Variants in R3HCC1L observed in about 807,000 individuals in gnomAD.
R3HCC1L encodes coiled-coil domain-containing protein R3HCC1L.
In R3HCC1L, 51 loss-of-function variants were observed where a neutral mutation model predicts 59.9. The observed-to-expected ratio is 0.85, with a 90% CI of 0.68 to 1.07. The LOEUF is 1.07. Among genes scored for constraint, R3HCC1L ranks in the 50% least tolerant of loss-of-function variants. The probability of loss-of-function intolerance (pLI) is 0.00; values close to 1 mark genes in which losing one functional copy is unlikely to be tolerated. For missense variants in R3HCC1L, 965 were observed against 933.0 expected, an observed-to-expected ratio of 1.03 and a Z score of -0.45; for synonymous variants, 322 against 315.2, an observed-to-expected ratio of 1.02 and a Z score of -0.23.
intron 1 of R3HCC1L, among the ~76,000 whole-genome samples, chr10:98,136,890 G>T (rs1844644422): frequency 6.6e-6 from 1 of 152,214 alleles, no homozygotes; most frequent in African/African-American, 2.4e-5. Flanking sequence ...CATAAGGTCG[G>T]GTGTGGAATT....
intron 2 of R3HCC1L, among the ~76,000 whole-genome samples, chr10:98,156,352 A>G (rs1191417656): frequency 6.6e-6 from 1 of 152,160 alleles, no homozygotes; most frequent in Non-Finnish European, 1.5e-5. Context: ...GCCCTCTCAC[A>G]TAGCTTCAAT....
rs544326511 is a variant in R3HCC1L at position 98,167,668 on chromosome 10, C to G, written c.-15+4271C>G. On this transcript the variant is annotated intron_variant, in intron 4 of 9. Transcript: ENST00000298999. The stretch of plus-strand genomic sequence containing the variant: ...TTAGAAGATATGTGTTTTAGTCTTA[C>G]AGTAGTAGTTAGATGCAGGGACTTT... Among the ~76,000 whole-genome samples, 4 of 152,322 alleles carry G rather than the reference C, an allele frequency of 2.6e-5. No individual in the cohort carries two copies. The East Asian group carries it at 7.7e-4, about 29-fold the overall frequency.
Position 98,209,414 on chromosome 10 carries a change from A to C in R3HCC1L, c.1300A>C (p.Thr434Pro). 1.2e-6 allele frequency: 2 copies of C among 1,613,750 alleles called. No individual in the cohort carries two copies. The highest frequency in any genetic ancestry group is 1.7e-6 in the Non-Finnish European group (2 of 1,179,972). ...TCATGTAGCTAGAAGTGGGAATGAC[A>C]CTGAAGATTTCAGCAACCCTTCTGC... The part of the protein sequence containing the change: ...PLHVARSGND[T>P]EDFSNPSACS... Residue 434 changes from threonine to proline, a missense_variant, in exon 5 of 10, where the codon ACT becomes CCT. Transcript: ENST00000298999.
intron 9 of R3HCC1L, among the ~76,000 whole-genome samples, chr10:98,237,885 T>A (rs1399199565): frequency 6.6e-6 from 1 of 152,122 alleles, no homozygotes; most frequent in Non-Finnish European, 1.5e-5. Context: ...AACTTTACTG[T>A]TTTAGGTATT....
chr10:98,230,990 A>G (rs774192954), intron 5 of R3HCC1L: 1 of 409,092 alleles, frequency 2.4e-6, no homozygotes, highest in South Asian at 1.8e-5. Flanking sequence ...TTGTCTTAAC[A>G]AATGCCTTTG....
chr10:98,177,370 T>G (rs1849139652), intron 4 of R3HCC1L, among the ~76,000 whole-genome samples: 1 of 152,240 alleles, frequency 6.6e-6, no homozygotes, highest in South Asian at 2.1e-4. Context: ...TCATCCTTTC[T>G]TTTGGCTGCG....
chr10:98,212,471 C>T (rs1373225278), intron 5 of R3HCC1L, among the ~76,000 whole-genome samples: 2 of 152,134 alleles, frequency 1.3e-5, no homozygotes, highest in African/African-American at 4.8e-5. Flanking sequence ...ATTTGAACCT[C>T]CAAAACTGCC....
chr10:98,225,133 C>T (rs997636024), intron 5 of R3HCC1L, among the ~76,000 whole-genome samples: 1 of 152,158 alleles, frequency 6.6e-6, no homozygotes, highest in Non-Finnish European at 1.5e-5. Flanking sequence ...GACCTAGCCA[C>T]ATTTTACTTA....
intron 4 of R3HCC1L, among the ~76,000 whole-genome samples, chr10:98,188,221 G>A (rs562621728): frequency 2.0e-5 from 3 of 152,182 alleles, no homozygotes; most frequent in South Asian, 2.1e-4. Flanking sequence ...AATGGTGCTG[G>A]GTATTGAGAA....
At chr10:98,182,049 C>T (rs1259383063) in intron 4 of R3HCC1L, among the ~76,000 whole-genome samples, 1 of 152,190 alleles carries the variant, frequency 6.6e-6, no homozygotes, top group Non-Finnish European at 1.5e-5. Flanking sequence ...CAGCTTTGTT[C>T]TGTTGCTGGC....
intron 5 of R3HCC1L, among the ~76,000 whole-genome samples, chr10:98,221,545 T>G (rs1854961320): frequency 6.6e-6 from 1 of 151,772 alleles, no homozygotes. Flanking sequence ...CATCTTGAAT[T>G]GATTTTTGTA....
intron 5 of R3HCC1L, chr10:98,211,233 T>G: frequency 2.2e-6 from 2 of 913,760 alleles, no homozygotes; most frequent in Non-Finnish European, 3.4e-6. Context: ...ACCAGCAGCA[T>G]GAGTATCACC....
At chr10:98,174,689 G>A (rs1848827162) in intron 4 of R3HCC1L, 1 of 984,412 alleles carries the variant, frequency 1.0e-6, no homozygotes, top group African/African-American at 1.7e-5. Flanking sequence ...CCAGAATGGA[G>A]ACTTTGTGTC....
At chr10:98,185,352 G>A (rs1850113098) in intron 4 of R3HCC1L, among the ~76,000 whole-genome samples, 1 of 152,112 alleles carries the variant, frequency 6.6e-6, no homozygotes, top group Admixed American at 6.6e-5. Context: ...GGGAAGACCG[G>A]ATAATTAAAG....
intron 9 of R3HCC1L, among the ~76,000 whole-genome samples, chr10:98,241,320 G>C (rs943428999): frequency 6.6e-6 from 1 of 151,942 alleles, no homozygotes; most frequent in African/African-American, 2.4e-5. Context: ...TCCTCTCTCT[G>C]CTTTTTTTAA....
chr10:98,146,417 A>G (rs1025528158), intron 1 of R3HCC1L, among the ~76,000 whole-genome samples: 2 of 152,202 alleles, frequency 1.3e-5, no homozygotes, highest in African/African-American at 4.8e-5. Flanking sequence ...TATTTCTTCT[A>G]TCAAATTGTA....
intron 5 of R3HCC1L, among the ~76,000 whole-genome samples, chr10:98,212,230 G>C (rs1312378342): frequency 6.6e-6 from 1 of 152,116 alleles, no homozygotes; most frequent in East Asian, 1.9e-4. Context: ...GATGACTTCT[G>C]GTTTATTATT....
At chr10:98,202,663 C>G (rs1423491431) in intron 4 of R3HCC1L, among the ~76,000 whole-genome samples, 1 of 152,012 alleles carries the variant, frequency 6.6e-6, no homozygotes, top group Admixed American at 6.6e-5. Flanking sequence ...ACCAGCCTGG[C>G]CAATATGGTG....
intron 5 of R3HCC1L, among the ~76,000 whole-genome samples, chr10:98,221,840 T>C (rs1855017524): frequency 6.6e-6 from 1 of 152,226 alleles, no homozygotes. Flanking sequence ...TCTTTTGGCT[T>C]AGGATTGACT....
Sources: gnomAD v4.1 joint callset for allele counts (sites outside exome capture counted in the v4.1 genomes callset) on GRCh38, gnomAD v4.1.1 for gene constraint, MANE v1.5 for transcripts, NCBI Gene and HGNC (gene_info 2026-07-23, HGNC 2026-07-21) for gene names.